Variants in FAF1 observed in about 807,000 individuals in gnomAD.
FAF1 encodes FAS-associated factor 1.
In FAF1, 25 loss-of-function variants were observed where a neutral mutation model predicts 92.5. That is an observed-to-expected ratio of 0.27 (90% CI 0.20 to 0.38). The LOEUF (loss-of-function observed/expected upper bound fraction) is 0.38, where lower values mean the gene tolerates loss of function less well. Ranked by LOEUF, FAF1 falls within the 10% of genes least tolerant of loss-of-function variation. The pLI, the probability that FAF1 is intolerant of heterozygous loss-of-function variation, is 1.00. For missense variants in FAF1, 636 were observed against 793.3 expected (o/e 0.80, Z 2.38); for synonymous variants, 234 against 273.2 (o/e 0.86, Z 1.42).
rs761317779 is a variant in FAF1, at chr1:50,582,618, A to G, written c.1113T>C (p.Asp371=). ...TCAGAAAAGGTCAAACTGTACTTAC[A>G]TCTCGGGCTTTCACATAGAAGGCCT... ...FQEAFYVKAR[D]RKLLAIYLHH... The change falls in exon 12 of 19, where the codon GAT becomes GAC. Residue 371 remains aspartate, a splice_region_variant and synonymous_variant. Transcript: ENST00000396153. 6.9e-6 allele frequency: 11 copies of G among 1,604,174 alleles called. No individual in the cohort carries two copies. The highest frequency in any genetic ancestry group is 9.4e-6 in the Non-Finnish European group (11 of 1,171,172).
At chr1:50,516,284 C>A (rs1302657221) in intron 15 of FAF1, among the ~76,000 whole-genome samples, 1 of 152,174 alleles carries the variant, frequency 6.6e-6, no homozygotes, top group Admixed American at 6.5e-5. Flanking sequence ...CCTAGCCTAT[C>A]CTCATCTCTT....
intron 2 of FAF1, among the ~76,000 whole-genome samples, chr1:50,802,248 G>A (rs550114323): frequency 3.3e-5 from 5 of 152,014 alleles, no homozygotes; most frequent in South Asian, 4.2e-4. Flanking sequence ...GTGCCACTAC[G>A]CCCAGCTAAC....
intron 3 of FAF1, among the ~76,000 whole-genome samples, chr1:50,800,929 G>C (rs560315600): frequency 3.3e-5 from 5 of 152,222 alleles, no homozygotes; most frequent in Non-Finnish European, 7.3e-5. Context: ...TTGGAAGGGA[G>C]AATGGTTTTA....
At chr1:50,482,539 T>C (rs1646715788) in intron 17 of FAF1, among the ~76,000 whole-genome samples, 1 of 152,214 alleles carries the variant, frequency 6.6e-6, no homozygotes, top group South Asian at 2.1e-4. Context: ...GACTGCCGGG[T>C]CATATGGTAT....
At chr1:50,949,857 G>A (rs933302541) in intron 1 of FAF1, among the ~76,000 whole-genome samples, 5 of 152,018 alleles carry the variant, frequency 3.3e-5, no homozygotes, top group African/African-American at 9.7e-5. Flanking sequence ...GCTCTACACA[G>A]ATTACCATTC....
At chr1:50,726,225 T>C (rs911057299) in intron 6 of FAF1, among the ~76,000 whole-genome samples, 1 of 151,888 alleles carries the variant, frequency 6.6e-6, no homozygotes, top group African/African-American at 2.4e-5. Context: ...CACTATACTC[T>C]AGCCTGGGTG....
rs148320049 is a variant in FAF1 at position 50,662,558 on chromosome 1, T to G, written c.658-7030A>C. ...AGATTTAACACTTCCATGGGTAACA[T>G]GGTTATGTTGATAATTTCCTATACT... On this transcript the variant is annotated intron_variant, in intron 7 of 18. Transcript: ENST00000396153. Among the ~76,000 whole-genome samples the G allele has an allele frequency of 2.0e-5, 3 of 152,164 alleles. No individual in the cohort carries two copies. In the East Asian group the frequency reaches 5.8e-4, roughly 29 times the overall value.
chr1:50,458,977 CTT>C (rs369055144), intron 18 of FAF1, among the ~76,000 whole-genome samples: 2 of 138,372 alleles, frequency 1.4e-5, no homozygotes, highest in African/African-American at 2.7e-5. Flanking sequence ...TTTTTTTTTT[CTT>C]TTTTTTTTTT....
intron 1 of FAF1, among the ~76,000 whole-genome samples, chr1:50,867,190 A>G (rs79463242): frequency 1.8e-3 from 276 of 152,238 alleles, no homozygotes; most frequent in African/African-American, 6.3e-3. Context: ...TCAACACAAC[A>G]TGGATCAAAG....
At chr1:50,507,645 G>A (rs1027826041) in intron 15 of FAF1, among the ~76,000 whole-genome samples, 7 of 152,166 alleles carry the variant, frequency 4.6e-5, no homozygotes, top group African/African-American at 1.7e-4. Flanking sequence ...GAGCCCAGGA[G>A]TTCGAGGTTA....
At chr1:50,630,144 T>C (rs376009675) in intron 8 of FAF1, among the ~76,000 whole-genome samples, 1 of 152,120 alleles carries the variant, frequency 6.6e-6, no homozygotes, top group South Asian at 2.1e-4. Context: ...CTGTTACTAA[T>C]TATTTATTAA....
intron 9 of FAF1, among the ~76,000 whole-genome samples, chr1:50,591,737 T>G (rs1651526224): frequency 6.6e-6 from 1 of 150,924 alleles, no homozygotes; most frequent in Admixed American, 6.6e-5. Context: ...CAATGTGTCA[T>G]ACAAGACTTA....
At chr1:50,496,158 G>A (rs1646895687) in intron 15 of FAF1, among the ~76,000 whole-genome samples, 1 of 152,098 alleles carries the variant, frequency 6.6e-6, no homozygotes, top group African/African-American at 2.4e-5. Context: ...TTAAACTGAA[G>A]TGGCTATAGA....
At position 50,744,427 on chromosome 1, in the gene FAF1, C is replaced by G. The variant is rs1426762099; in HGVS notation, c.459+257G>C. ...AGCCTCTCAAAAAAAGGGCCAAACT[C>G]CTTTAAAAGTTAGAAATAGGAAAAA... On this transcript the variant is annotated intron_variant, in intron 5 of 18. Transcript: ENST00000396153. 3.3e-5 allele frequency among the ~76,000 whole-genome samples: 5 copies of G among 152,102 alleles called. No homozygotes were observed. In the East Asian group the frequency reaches 9.6e-4, roughly 29 times the overall value.
intron 2 of FAF1, among the ~76,000 whole-genome samples, chr1:50,809,330 C>T (rs1351223177): frequency 2.0e-5 from 3 of 151,794 alleles, no homozygotes; most frequent in African/African-American, 7.3e-5. Flanking sequence ...AGAGTTAGTT[C>T]CTTGAAAGAA....
chr1:50,888,098 C>A (rs951743396), intron 1 of FAF1, among the ~76,000 whole-genome samples: 9 of 152,144 alleles, frequency 5.9e-5, no homozygotes, highest in African/African-American at 1.7e-4. Context: ...CTTCACGTCC[C>A]TTGTAAGTTG....
At chr1:50,795,599 C>T (rs1389337617) in intron 3 of FAF1, among the ~76,000 whole-genome samples, 1 of 152,114 alleles carries the variant, frequency 6.6e-6, no homozygotes, top group East Asian at 1.9e-4. Context: ...ATATCAGTGT[C>T]CAAAACACCA....
chr1:50,736,137 G>A (rs1002738639), intron 6 of FAF1, among the ~76,000 whole-genome samples: 11 of 151,954 alleles, frequency 7.2e-5, no homozygotes, highest in African/African-American at 2.2e-4. Flanking sequence ...GGTAATATAC[G>A]CCAATGCAAT....
chr1:50,667,746 T>A (rs1308101028), intron 7 of FAF1, among the ~76,000 whole-genome samples: 2 of 152,216 alleles, frequency 1.3e-5, no homozygotes, highest in African/African-American at 4.8e-5. Context: ...AAATTCTTAA[T>A]CCATTTTCCT....
Sources: gnomAD v4.1 joint callset for allele counts (sites outside exome capture counted in the v4.1 genomes callset) on GRCh38, gnomAD v4.1.1 for gene constraint, MANE v1.5 for transcripts, NCBI Gene and HGNC (gene_info 2026-07-23, HGNC 2026-07-21) for gene names.